TAS2R14: variants seen among roughly 807,000 people sequenced by gnomAD.
The protein encoded by TAS2R14 is taste receptor type 2 member 14.
For synonymous variants in TAS2R14, 131 were observed against 131.0 expected, an observed-to-expected ratio of 1.00 and a Z score of 0.00; for missense variants, 383 against 372.0, an observed-to-expected ratio of 1.03 and a Z score of -0.24.
At chr12:10,937,891 T>C (rs1950315897) in exon 1 of TAS2R14, 1 of 168,162 alleles carries the variant, frequency 5.9e-6, no homozygotes, top group Non-Finnish European at 1.3e-5. Context: ...ATGTACTTTA[T>C]CTACCAGATT....
At chr12:10,938,234 C>T in exon 1 of TAS2R14, 1 of 1,469,320 alleles carries the variant, frequency 6.8e-7, no homozygotes, top group South Asian at 1.3e-5. Flanking sequence ...TTCTTAGGAG[C>T]TATTTTTTTT....
chr12:10,938,336 G>C, exon 1 of TAS2R14: 2 of 1,614,028 alleles, frequency 1.2e-6, no homozygotes, highest in Non-Finnish European at 1.7e-6. Flanking sequence ...CACTGACAGA[G>C]AGGCCTGTCT....
At chr12:10,937,941 CACAT>C (rs1950316574) in exon 1 of TAS2R14, 3 of 209,596 alleles carry the variant, frequency 1.4e-5, no homozygotes, top group Non-Finnish European at 1.9e-5. Flanking sequence ...GTAACTGTGT[CACAT>C]ACATACATAC....
chr12:10,939,123 G>C, exon 1 of TAS2R14: 17 of 1,607,708 alleles, frequency 1.1e-5, no homozygotes, highest in Non-Finnish European at 1.4e-5. Flanking sequence ...CAGTTCACCA[G>C]TGCTATGAAA....
chr12:10,939,043 T>G (rs1950347040), exon 1 of TAS2R14: 3 of 1,613,904 alleles, frequency 1.9e-6, no homozygotes, highest in Non-Finnish European at 2.5e-6. Context: ...CCAGGCTAAT[T>G]CGAGAGATTG....
chr12:10,938,730 T>G (rs775947265), exon 1 of TAS2R14: 127 of 1,613,656 alleles, frequency 7.9e-5, no homozygotes, highest in Non-Finnish European at 1.1e-4. Flanking sequence ...TTGTTTCTTC[T>G]GTATCCATTG....
At position 10,939,169 on chromosome 12, in the gene TAS2R14, T is replaced by G. The variant is rs373054388; in HGVS notation, c.39A>C (p.Leu13Phe). ...AATTTCCAATTATAAATTCCACAAT[T>G]AAAACGAATGTAAATATGCTCTTTA... The change falls in exon 1 of 1, where the codon TTA (leucine) becomes TTC (phenylalanine). Residue 13 changes from leucine (L) to phenylalanine (F), a missense_variant. Transcript: ENST00000537503. 6.9e-6 allele frequency: 11 copies of G among 1,598,342 alleles called. No homozygotes were observed. In the African/African-American group the frequency reaches 1.2e-4, roughly 18 times the overall value.
exon 1 of TAS2R14, chr12:10,937,602 TC>T (rs1950309724): frequency 6.6e-6 from 1 of 152,146 alleles, no homozygotes; most frequent in Non-Finnish European, 1.5e-5. Context: ...CTTTGAATGT[TC>T]AAACCATTTC....
At chr12:10,938,630 A>G (rs1363445531) in exon 1 of TAS2R14, 1 of 1,614,006 alleles carries the variant, frequency 6.2e-7, no homozygotes, top group Non-Finnish European at 8.5e-7. Flanking sequence ...TGCCAGGGAC[A>G]AAGTAAAGGG....
exon 1 of TAS2R14, chr12:10,938,707 A>G: frequency 1.2e-6 from 2 of 1,613,954 alleles, no homozygotes; most frequent in Non-Finnish European, 1.7e-6. Flanking sequence ...TACTTGAATC[A>G]GAACTGCAAG....
exon 1 of TAS2R14, chr12:10,937,974 T>C (rs1303166182): frequency 3.4e-6 from 1 of 293,320 alleles, no homozygotes; most frequent in East Asian, 6.3e-5. Context: ...ATTTTATACA[T>C]TATAGGTTTT....
At chr12:10,939,095 C>T in exon 1 of TAS2R14, 5 of 1,613,942 alleles carry the variant, frequency 3.1e-6, no homozygotes, top group Non-Finnish European at 4.2e-6. Context: ...GATCTTTCTT[C>T]CCTTGACCCA....
chr12:10,938,236 AT>A (rs760868761), exon 1 of TAS2R14: 182 of 1,493,976 alleles, frequency 1.2e-4, no homozygotes, highest in Middle Eastern at 1.1e-3. Flanking sequence ...CTTAGGAGCT[AT>A]TTTTTTTCTA....
At chr12:10,939,064 G>A (rs1950347589) in exon 1 of TAS2R14, 1 of 1,613,980 alleles carries the variant, frequency 6.2e-7, no homozygotes, top group East Asian at 2.2e-5. Flanking sequence ...CCAAAGCAGT[G>A]AGGATCCGAT....
chr12:10,939,155 A>G (rs370158995), exon 1 of TAS2R14: 2 of 1,601,922 alleles, frequency 1.2e-6, no homozygotes, highest in Non-Finnish European at 1.7e-6. Context: ...ATTTCCAATT[A>G]TAAATTCCAC....
exon 1 of TAS2R14, chr12:10,938,741 A>G (rs1950338255): frequency 6.2e-7 from 1 of 1,613,826 alleles, no homozygotes; most frequent in African/African-American, 1.3e-5. Flanking sequence ...GTATCCATTG[A>G]TACTGGCATT....
At chr12:10,938,663 G>C (rs1950335907) in exon 1 of TAS2R14, 1 of 1,613,890 alleles carries the variant, frequency 6.2e-7, no homozygotes, top group South Asian at 1.1e-5. Flanking sequence ...CACAGTGCTG[G>C]TTAATACAAT....
chr12:10,938,122 G>T, exon 1 of TAS2R14: 2 of 620,270 alleles, frequency 3.2e-6, no homozygotes, highest in Non-Finnish European at 5.5e-6. Flanking sequence ...TTTGTGATAT[G>T]TTTGGATGGT....
At chr12:10,937,464 A>G (rs1485162927) in exon 1 of TAS2R14, 2 of 152,054 alleles carry the variant, frequency 1.3e-5, no homozygotes, top group African/African-American at 2.4e-5. Flanking sequence ...TAGGAAACAA[A>G]TATTCTCCCT....
Sources: gnomAD v4.1 joint callset for allele counts on GRCh38, gnomAD v4.1.1 for gene constraint, MANE v1.5 for transcripts, NCBI Gene and HGNC (gene_info 2026-07-23, HGNC 2026-07-21) for gene names.